Variants in EPB41 observed in about 807,000 individuals in gnomAD.
EPB41 encodes the protein erythrocyte membrane protein band 4.1, also known as protein 4.1.
A neutral mutation model predicts 108.0 loss-of-function variants in EPB41; 65 were observed. The observed-to-expected ratio is 0.60, with a 90% CI of 0.49 to 0.74. The LOEUF (loss-of-function observed/expected upper bound fraction) is 0.74. Among genes scored for constraint, EPB41 ranks in the 30% least tolerant of loss-of-function variants. The pLI, the probability that EPB41 is intolerant of heterozygous loss-of-function variation, is 0.00. For synonymous variants in EPB41, 336 were observed against 358.9 expected, an observed-to-expected ratio of 0.94 and a Z score of 0.72; for missense variants, 875 against 1,037.0, an observed-to-expected ratio of 0.84 and a Z score of 2.15.
Position 28,901,536 on chromosome 1 carries a change from T to C in EPB41, c.-8+14326T>C, listed in dbSNP as rs2091319482. Among the ~76,000 whole-genome samples the C allele has an allele frequency of 2.7e-5, 4 of 150,102 alleles. No homozygotes were observed. In the South Asian group the frequency reaches 8.5e-4, roughly 32 times the overall value. ...CTGCACTCGGCCTATTTTTATATTATTATTATTATTATTTTGAGATGGAGC... is the reference window on the plus strand; with the variant it reads ...CTGCACTCGGCCTATTTTTATATTACTATTATTATTATTTTGAGATGGAGC... On this transcript the variant is annotated intron_variant, in intron 1 of 16. Transcript: ENST00000347529.
chr1:29,039,813 C>G (rs1003854865), intron 11 of EPB41, among the ~76,000 whole-genome samples: 3 of 142,436 alleles, frequency 2.1e-5, no homozygotes, highest in African/African-American at 7.8e-5. Context: ...GACTCTGTCT[C>G]AAAAAAAAAA....
chr1:29,073,360 C>G (rs912123356), intron 16 of EPB41, among the ~76,000 whole-genome samples: 4 of 151,990 alleles, frequency 2.6e-5, no homozygotes, highest in African/African-American at 9.7e-5. Context: ...ACTTGGTGCC[C>G]AGATTTCCAC....
chr1:28,972,141 T>A (rs2095510217), intron 1 of EPB41, among the ~76,000 whole-genome samples: 2 of 152,210 alleles, frequency 1.3e-5, no homozygotes, highest in African/African-American at 2.4e-5. Context: ...TAGACCAGAC[T>A]GATCTTGAAC....
rs573738310 is a variant in EPB41, at chr1:28,993,479, A to G, written c.618A>G (p.Lys206=). 4.8e-5 allele frequency: 78 copies of G among 1,614,016 alleles called. No homozygotes were observed. In the Admixed American group the frequency reaches 1.3e-3, roughly 27 times the overall value. The change falls in exon 3 of 21, where the codon AAA becomes AAG. Residue 206 remains lysine (K), a synonymous_variant. Transcript: ENST00000343067. The part of the protein sequence containing the change: ...ELKASQKPIR[K]HRNMHCKVSL... ...AAGCTTCCCAAAAACCAATCAGAAA[A>G]CACAGGAACATGCACTGCAAGGTTT...
chr1:28,892,241 G>A lies in EPB41; in HGVS notation c.-8+5031G>A, dbSNP rs75170797. Among the ~76,000 whole-genome samples the A allele has an allele frequency of 9.4e-3, 1,430 of 152,112 alleles. 24 individuals carry two copies. The highest frequency in any genetic ancestry group is 0.032 in the African/African-American group (1,345 of 41,470). On this transcript the variant is annotated intron_variant, in intron 1 of 16. Coordinates refer to the EPB41 transcript ENST00000347529. Reference sequence around the variant, plus strand: ...AGGTGGTACCCCTCACCCATGCTGGGTCCCTCCAAAACCCATGCCAACAGC... The same window carrying A: ...AGGTGGTACCCCTCACCCATGCTGGATCCCTCCAAAACCCATGCCAACAGC...
intron 4 of EPB41, among the ~76,000 whole-genome samples, chr1:29,011,655 A>G (rs1245666933): frequency 6.6e-6 from 1 of 152,244 alleles, no homozygotes; most frequent in Non-Finnish European, 1.5e-5. Flanking sequence ...TCAGCCAGGA[A>G]GTAGTGGAGC....
intron 1 of EPB41, among the ~76,000 whole-genome samples, chr1:28,954,250 T>G (rs927881628): frequency 6.6e-6 from 1 of 152,232 alleles, no homozygotes; most frequent in Admixed American, 6.5e-5. Flanking sequence ...TGTTTTATAC[T>G]GTGCTATTTA....
chr1:29,053,327 C>T lies in EPB41; in HGVS notation c.1845+15C>T, dbSNP rs202127711. ...AAGCATGGAAGGTATGTCATCAGTCCAAATACCTAGCTAACTCACTTTCTG... is the reference window on the plus strand; with the variant it reads ...AAGCATGGAAGGTATGTCATCAGTCTAAATACCTAGCTAACTCACTTTCTG... On this transcript the variant is annotated intron_variant, in intron 12 of 20. Coordinates refer to ENST00000343067, the MANE Select transcript of EPB41 (RefSeq NM_001376013.1). 4.3e-6 allele frequency: 7 copies of T among 1,614,000 alleles called. No individual in the cohort carries two copies. The Admixed American group carries it at 6.7e-5, about 15-fold the overall frequency.
chr1:29,095,150 C>G (rs897559618), intron 16 of EPB41, among the ~76,000 whole-genome samples: 2 of 152,148 alleles, frequency 1.3e-5, no homozygotes, highest in African/African-American at 4.8e-5. Flanking sequence ...GGTGACTCTA[C>G]TTGCTTTAGA....
chr1:29,102,538 T>G (rs758451715), intron 17 of EPB41, among the ~76,000 whole-genome samples: 1 of 152,182 alleles, frequency 6.6e-6, no homozygotes, highest in Non-Finnish European at 1.5e-5. Flanking sequence ...TAAAACATTT[T>G]GAAGTATTAA....
At chr1:29,074,136 G>A (rs1484249821) in intron 16 of EPB41, among the ~76,000 whole-genome samples, 1 of 152,128 alleles carries the variant, frequency 6.6e-6, no homozygotes, top group African/African-American at 2.4e-5. Context: ...GGAAAACAGG[G>A]CAAAATTAAT....
At chr1:29,097,778 C>G in intron 16 of EPB41, 29 bp from the exon 17 acceptor site, 1 of 1,612,542 alleles carries the variant, frequency 6.2e-7, no homozygotes, top group Non-Finnish European at 8.5e-7. Context: ...CAGAAATACT[C>G]TAGTAACTCT....
chr1:28,995,217 G>T (rs1391653253), intron 3 of EPB41, among the ~76,000 whole-genome samples: 1 of 152,006 alleles, frequency 6.6e-6, no homozygotes, highest in African/African-American at 2.4e-5. Flanking sequence ...CCAAGATCCA[G>T]ATATGGATCT....
At chr1:29,076,250 T>G (rs1654029300) in intron 16 of EPB41, among the ~76,000 whole-genome samples, 2 of 152,262 alleles carry the variant, frequency 1.3e-5, no homozygotes, top group Admixed American at 6.5e-5. Context: ...CTTCCCTTGT[T>G]TTAACAGCTT....
At chr1:29,021,444 A>T (rs1167149227) in intron 7 of EPB41, among the ~76,000 whole-genome samples, 3 of 152,166 alleles carry the variant, frequency 2.0e-5, no homozygotes, top group South Asian at 4.1e-4. Context: ...TTAAGTCTTG[A>T]ATACATTTCT....
chr1:28,980,971 C>T (rs1057018551), intron 1 of EPB41, among the ~76,000 whole-genome samples: 15 of 152,044 alleles, frequency 9.9e-5, no homozygotes, highest in African/African-American at 3.6e-4. Flanking sequence ...CAGGGTTTTA[C>T]CACTTTGGCC....
At chr1:28,923,855 T>C (rs2093291349) in intron 1 of EPB41, among the ~76,000 whole-genome samples, 1 of 152,232 alleles carries the variant, frequency 6.6e-6, no homozygotes, top group Non-Finnish European at 1.5e-5. Flanking sequence ...TCATGCGTAC[T>C]GTGGTAGGCA....
chr1:28,983,032 G>A (rs2095795019), intron 1 of EPB41, among the ~76,000 whole-genome samples: 1 of 151,992 alleles, frequency 6.6e-6, no homozygotes, highest in South Asian at 2.1e-4. Flanking sequence ...ATTATGATTG[G>A]CTCCTGTCCT....
chr1:29,048,729 G>A (rs1643965776), intron 11 of EPB41, among the ~76,000 whole-genome samples: 1 of 152,164 alleles, frequency 6.6e-6, no homozygotes, highest in Non-Finnish European at 1.5e-5. Context: ...TTTAGAAAGA[G>A]TAGAATAAAA....
Sources: allele counts gnomAD v4.1 joint callset (sites outside exome capture counted in the v4.1 genomes callset), GRCh38; gene constraint gnomAD v4.1.1; transcripts MANE v1.5; gene names NCBI Gene and HGNC (gene_info 2026-07-23, HGNC 2026-07-21).